The following PREX2 variants were observed in gnomAD, a reference collection of about 807,000 sequenced individuals.
PREX2 encodes phosphatidylinositol-3,4,5-trisphosphate dependent Rac exchange factor 2.
In PREX2, 107 loss-of-function variants were observed where a neutral mutation model predicts 203.2. That is an observed-to-expected ratio of 0.53 (90% CI 0.45 to 0.62). The LOEUF (loss-of-function observed/expected upper bound fraction) is 0.62. PREX2 is among the 20% of genes least tolerant of loss of function. PREX2 has a pLI of 0.00. For missense variants in PREX2, 1,777 were observed against 1,955.9 expected, an observed-to-expected ratio of 0.91 and a Z score of 1.72; for synonymous variants, 672 against 663.6, an observed-to-expected ratio of 1.01 and a Z score of -0.19.
chr8:67,992,842 G>T (rs976671555), intron 1 of PREX2, among the ~76,000 whole-genome samples: 1 of 152,090 alleles, frequency 6.6e-6, no homozygotes, highest in Non-Finnish European at 1.5e-5. Flanking sequence ...TCTTTCAGAG[G>T]GCGTAGGGGG....
rs1448253489 is a variant in PREX2 at position 67,952,403 on chromosome 8, G to GGACAGCCGCGGA, written c.20_31dup (p.Gly7_Arg10dup). 2 of 1,555,598 alleles carry GGACAGCCGCGGA rather than the reference G, an allele frequency of 1.3e-6. No homozygotes were observed. The highest frequency in any genetic ancestry group is 1.9e-5 in the Admixed American group (1 of 52,078). The stretch of plus-strand genomic sequence containing the variant: ...GCGCACCGCCGCCGACCATGAGCGA[G>GGACAGCCGCGGA]GACAGCCGCGGAGACAGCCGCGCCG... On this transcript the variant is annotated inframe_insertion, in exon 1 of 40. Transcript: ENST00000288368.
intron 33 of PREX2, among the ~76,000 whole-genome samples, chr8:68,141,623 G>T (rs1303155576): frequency 6.6e-6 from 1 of 152,198 alleles, no homozygotes; most frequent in Non-Finnish European, 1.5e-5. Context: ...TTTAAGCTGA[G>T]ATCTGAAGCA....
chr8:68,073,526 ATTAG>A (rs564371547), intron 14 of PREX2, among the ~76,000 whole-genome samples: 263 of 152,290 alleles, frequency 1.7e-3, no homozygotes, highest in Non-Finnish European at 3.2e-3. Flanking sequence ...GATAATTTAT[ATTAG>A]TTAATATTAT....
At chr8:68,066,062 C>T (rs779536057) in intron 11 of PREX2, among the ~76,000 whole-genome samples, 2 of 152,136 alleles carry the variant, frequency 1.3e-5, no homozygotes, top group South Asian at 4.1e-4. Flanking sequence ...GATCTACTCT[C>T]TTAGCAATTT....
rs1361950447 is a variant in PREX2 at position 68,233,277 on chromosome 8, G to A, written c.*1899G>A. On this transcript the variant is annotated 3_prime_UTR_variant, in exon 40 of 40. Coordinates refer to ENST00000288368, the MANE Select transcript of PREX2 (RefSeq NM_024870.4). ...CTAGCAAGTCCTTTCATATTGTCAT[G>A]ACTGTTTTCTCATCACCATCCTGGA... 1.3e-5 allele frequency: 2 copies of A among 152,162 alleles called. No individual in the cohort carries two copies. The highest frequency in any genetic ancestry group is 2.9e-5 in the Non-Finnish European group (2 of 68,018). 9.4% of individuals were successfully genotyped at this position (152,162 alleles called of 1,614,324 possible).
At chr8:67,965,994 G>T (rs937582577) in intron 1 of PREX2, among the ~76,000 whole-genome samples, 1 of 151,830 alleles carries the variant, frequency 6.6e-6, no homozygotes, top group African/African-American at 2.4e-5. Context: ...ATGTTTTGAG[G>T]GTAGCAAATA....
chr8:68,217,083 A>G (rs1245990900), intron 37 of PREX2, among the ~76,000 whole-genome samples: 5 of 152,176 alleles, frequency 3.3e-5, no homozygotes, highest in East Asian at 1.9e-4. Flanking sequence ...TCACATTTCT[A>G]TATAACCAGT....
intron 5 of PREX2, among the ~76,000 whole-genome samples, chr8:68,029,661 G>C (rs1807823164): frequency 6.6e-6 from 1 of 152,144 alleles, no homozygotes; most frequent in Admixed American, 6.6e-5. Flanking sequence ...GTTACGTGAT[G>C]ATGGCAACCA....
At chr8:68,077,260 A>G in intron 14 of PREX2, 137 bp from the exon 15 acceptor site, 1 of 674,794 alleles carries the variant, frequency 1.5e-6, no homozygotes, top group Non-Finnish European at 2.8e-6. Context: ...AATTAGATGC[A>G]TTCTGTCTTA....
intron 21 of PREX2, among the ~76,000 whole-genome samples, chr8:68,096,206 G>C (rs1810067488): frequency 1.3e-5 from 2 of 152,120 alleles, no homozygotes; most frequent in African/African-American, 4.8e-5. Context: ...ACATTGAAAG[G>C]TAGATTGGTT....
intron 5 of PREX2, among the ~76,000 whole-genome samples, chr8:68,027,626 T>C (rs1807767057): frequency 6.6e-6 from 1 of 152,142 alleles, no homozygotes; most frequent in African/African-American, 2.4e-5. Flanking sequence ...CTAGTTTATA[T>C]AGCATTTTGC....
Position 68,097,838 on chromosome 8 carries a change from C to G in PREX2, c.2553+637C>G, listed in dbSNP as rs1810130729. 2.0e-5 allele frequency among the ~76,000 whole-genome samples: 3 copies of G among 152,182 alleles called. No homozygotes were observed. The South Asian group carries it at 6.2e-4, about 31-fold the overall frequency. ...ATTCAGATGGTTTTCATGACAGATGCTACTTTTTCTTAAATGTACATAATC... is the reference window on the plus strand; with the variant it reads ...ATTCAGATGGTTTTCATGACAGATGGTACTTTTTCTTAAATGTACATAATC... On this transcript the variant is annotated intron_variant, in intron 22 of 39. Transcript: ENST00000288368.
At chr8:68,205,344 T>C (rs368589273) in intron 37 of PREX2, among the ~76,000 whole-genome samples, 1 of 152,224 alleles carries the variant, frequency 6.6e-6, no homozygotes, top group African/African-American at 2.4e-5. Flanking sequence ...ATTTAAAAGC[T>C]GCTTCTGTCC....
rs1284320697 is a variant in PREX2, at chr8:68,232,427, A to G, written c.*1049A>G. 1 of 152,184 alleles carries G rather than the reference A, an allele frequency of 6.6e-6. No homozygotes were observed. Among genetic ancestry groups the G allele is most frequent in the Non-Finnish European group, 1.5e-5 (1 of 68,024 alleles). The allele number at this position is 152,184 out of a possible 1,614,324, so 9.4% of individuals were successfully genotyped here. A position where few individuals can be genotyped will look rare whatever the true frequency, so the allele number is the denominator to read the frequency against. ...ACAAGGTGTATTCTATCCTTATTCT[A>G]AAGTATATGTAATGTTTATCATTTC... On this transcript the variant is annotated 3_prime_UTR_variant, in exon 40 of 40. Coordinates refer to ENST00000288368, the MANE Select transcript of PREX2 (RefSeq NM_024870.4).
At chr8:68,090,871 ATAAT>A (rs1809852636) in intron 20 of PREX2, among the ~76,000 whole-genome samples, 156 bp downstream of exon 20, 1 of 152,228 alleles carries the variant, frequency 6.6e-6, no homozygotes, top group Non-Finnish European at 1.5e-5. Flanking sequence ...CTTTATCTGC[ATAAT>A]TAATTATAAT....
intron 37 of PREX2, 114 bp from the exon 38 acceptor site, chr8:68,217,502 C>G (rs1812866135): frequency 1.4e-6 from 1 of 714,400 alleles, no homozygotes; most frequent in South Asian, 1.7e-5. Flanking sequence ...GGTTCATTGT[C>G]TAGCTGCTTT....
At chr8:68,190,314 A>C (rs974291737) in intron 35 of PREX2, among the ~76,000 whole-genome samples, 2 of 152,140 alleles carry the variant, frequency 1.3e-5, no homozygotes, top group African/African-American at 4.8e-5. Flanking sequence ...TTGTCACCTC[A>C]TCAAAAATAG....
At chr8:67,955,499 A>G (rs2129016570) in intron 1 of PREX2, among the ~76,000 whole-genome samples, 1 of 152,158 alleles carries the variant, frequency 6.6e-6, no homozygotes, top group South Asian at 2.1e-4. Context: ...GTGGATTCCT[A>G]CTGGGCTTTC....
rs80162948 is a variant in PREX2 at position 67,982,866 on chromosome 8, T to C, written c.141+30331T>C. Among the ~76,000 whole-genome samples the C allele has an allele frequency of 8.9e-3, 1,360 of 152,348 alleles. 16 individuals are homozygous for C. Among genetic ancestry groups the C allele is most frequent in the African/African-American group, 0.03 (1,242 of 41,582 alleles). ...TTAATGATTTCCCGCCTTAACATTA[T>C]ATTTACTTGTTCAATTGTCTGACCC... On this transcript the variant is annotated intron_variant, in intron 1 of 39. Coordinates refer to ENST00000288368, the MANE Select transcript of PREX2 (RefSeq NM_024870.4).
Sources: gnomAD v4.1 joint callset for allele counts (sites outside exome capture counted in the v4.1 genomes callset) on GRCh38, gnomAD v4.1.1 for gene constraint, MANE v1.5 for transcripts, NCBI Gene and HGNC (gene_info 2026-07-23, HGNC 2026-07-21) for gene names.